ACYP2: variants seen among roughly 807,000 people sequenced by gnomAD.
ACYP2 encodes acylphosphatase 2, also known as acylphosphatase-2.
Under a neutral mutation model 11.2 loss-of-function variants are expected in ACYP2, and 12 were observed. The observed-to-expected ratio is 1.08, with a 90% CI of 0.69 to 1.74. The LOEUF (loss-of-function observed/expected upper bound fraction) is 1.74. Among genes scored for constraint, ACYP2 ranks in the 40% most tolerant of loss-of-function variants. The pLI, the probability that ACYP2 is intolerant of heterozygous loss-of-function variation, is 0.00. For synonymous variants in ACYP2, 43 were observed against 32.2 expected (o/e 1.33, Z -1.13); for missense variants, 134 against 101.9 (o/e 1.31, Z -1.35).
chr2:54,205,016 G>GT (rs1685013400), intron 6 of ACYP2, among the ~76,000 whole-genome samples: 1 of 152,034 alleles, frequency 6.6e-6, no homozygotes, highest in South Asian at 2.1e-4. Context: ...TATTCTCCTT[G>GT]TGTATCCCCT....
intron 2 of ACYP2, among the ~76,000 whole-genome samples, chr2:54,038,852 A>G (rs1425500402): frequency 6.6e-6 from 1 of 151,662 alleles, no homozygotes; most frequent in Non-Finnish European, 1.5e-5. Flanking sequence ...CATAGGTGGC[A>G]ATAAATTCTG....
At chr2:54,048,584 T>G (rs1675652948) in intron 2 of ACYP2, among the ~76,000 whole-genome samples, 1 of 152,182 alleles carries the variant, frequency 6.6e-6, no homozygotes, top group African/African-American at 2.4e-5. Context: ...CACTCTAGTG[T>G]TGAACTACTG....
chr2:54,000,595 T>C (rs1225067521), intron 2 of ACYP2, among the ~76,000 whole-genome samples: 1 of 152,236 alleles, frequency 6.6e-6, no homozygotes, highest in Non-Finnish European at 1.5e-5. Context: ...TTTTCACTCA[T>C]ACTGCACATT....
intron 6 of ACYP2, among the ~76,000 whole-genome samples, chr2:54,198,308 C>T (rs183344249): frequency 4.6e-5 from 7 of 152,212 alleles, no homozygotes; most frequent in African/African-American, 7.2e-5. Flanking sequence ...TGTGCCACTG[C>T]GCCTGGGCAA....
At chr2:54,241,121 T>C (rs914429645) in intron 6 of ACYP2, among the ~76,000 whole-genome samples, 4 of 152,032 alleles carry the variant, frequency 2.6e-5, no homozygotes, top group African/African-American at 4.8e-5. Flanking sequence ...AGTCTCAGAG[T>C]AGAGCACCCC....
intron 6 of ACYP2, among the ~76,000 whole-genome samples, chr2:54,198,448 G>A (rs1301233746): frequency 6.6e-6 from 1 of 152,058 alleles, no homozygotes. Flanking sequence ...CATAGTTTGT[G>A]GGGCCTCCAG....
At chr2:54,049,111 A>G (rs1261699502) in intron 2 of ACYP2, among the ~76,000 whole-genome samples, 2 of 152,152 alleles carry the variant, frequency 1.3e-5, no homozygotes, top group Non-Finnish European at 2.9e-5. Flanking sequence ...AAATACAAAA[A>G]TTAACCAGGC....
At position 54,217,068 on chromosome 2, in the gene ACYP2, G is replaced by C. The variant is rs114947847; in HGVS notation, c.404+78320G>C. Among the ~76,000 whole-genome samples, 380 of 152,212 alleles carry C rather than the reference G, an allele frequency of 2.5e-3. 3 individuals are homozygous for C. Among genetic ancestry groups the C allele is most frequent in the Non-Finnish European group, 4.2e-3 (288 of 68,022 alleles). On this transcript the variant is annotated intron_variant, in intron 6 of 6. Coordinates refer to ENST00000607452, the MANE Select transcript of ACYP2 (RefSeq NM_001320586.2). Reference sequence around the variant, plus strand: ...TTTCCTTAGGTTTCCCGTAGAAACAGTAATTCCATTCTTTAGATCTCATTT... The same window carrying C: ...TTTCCTTAGGTTTCCCGTAGAAACACTAATTCCATTCTTTAGATCTCATTT...
chr2:53,979,059 T>C (rs1671627056), intron 2 of ACYP2, among the ~76,000 whole-genome samples: 2 of 151,458 alleles, frequency 1.3e-5, no homozygotes, highest in African/African-American at 4.8e-5. Flanking sequence ...CTTCTACTTA[T>C]TAAAAAAAAA....
chr2:54,175,284 T>C (rs1012104710), intron 6 of ACYP2, among the ~76,000 whole-genome samples: 1 of 152,208 alleles, frequency 6.6e-6, no homozygotes, highest in Non-Finnish European at 1.5e-5. Flanking sequence ...GAGGAATTTA[T>C]CCATTTCTTC....
intron 4 of ACYP2, among the ~76,000 whole-genome samples, chr2:54,100,423 C>T (rs1415104631): frequency 6.6e-6 from 1 of 151,632 alleles, no homozygotes; most frequent in African/African-American, 2.4e-5. Context: ...TAATCTCAGC[C>T]TTGCAAGTAG....
chr2:54,288,456 T>A (rs1689171517), intron 6 of ACYP2, among the ~76,000 whole-genome samples: 2 of 152,030 alleles, frequency 1.3e-5, no homozygotes, highest in African/African-American at 4.8e-5. Context: ...TTATGTATAT[T>A]CTCTAGGCCA....
At chr2:54,017,560 A>T (rs1673769369) in intron 2 of ACYP2, among the ~76,000 whole-genome samples, 1 of 151,998 alleles carries the variant, frequency 6.6e-6, no homozygotes. Flanking sequence ...TGGCCAGGCC[A>T]TTAAGTTTCA....
intron 6 of ACYP2, among the ~76,000 whole-genome samples, chr2:54,210,140 TCAAAAAAAA>T (rs1685270278): frequency 1.9e-5 from 1 of 51,326 alleles, no homozygotes; most frequent in Non-Finnish European, 3.2e-5. Context: ...AGACTGTGTC[TCAAAAAAAA>T]AAAAAAAAAA....
At chr2:54,258,342 G>A (rs1226269304) in intron 6 of ACYP2, among the ~76,000 whole-genome samples, 2 of 152,176 alleles carry the variant, frequency 1.3e-5, no homozygotes, top group African/African-American at 2.4e-5. Flanking sequence ...AGAAATCCTG[G>A]AGGAGAGCAT....
chr2:54,094,439 G>C (rs950851554), intron 4 of ACYP2, among the ~76,000 whole-genome samples: 7 of 151,988 alleles, frequency 4.6e-5, no homozygotes, highest in African/African-American at 1.7e-4. Flanking sequence ...ATGTTTGCCA[G>C]GCTGGTCTCG....
At chr2:54,268,953 T>A (rs140692784) in intron 6 of ACYP2, among the ~76,000 whole-genome samples, 2 of 152,322 alleles carry the variant, frequency 1.3e-5, no homozygotes, top group Non-Finnish European at 2.9e-5. Flanking sequence ...ATATGAATTA[T>A]CTCTTAATTT....
chr2:54,115,814 C>A, intron 4 of ACYP2, 58 bp downstream of exon 1: 1 of 1,491,878 alleles, frequency 6.7e-7, no homozygotes, highest in South Asian at 1.3e-5. Context: ...GGGGAGAAAG[C>A]TGTGAGAAGC....
intron 6 of ACYP2, among the ~76,000 whole-genome samples, chr2:54,185,535 A>AT (rs111454328): frequency 0.037 from 5,695 of 152,190 alleles, 335 homozygotes; most frequent in African/African-American, 0.12. Flanking sequence ...AAGCATAGGG[A>AT]TTTTTTTAAA....
Sources: allele counts gnomAD v4.1 joint callset (sites outside exome capture counted in the v4.1 genomes callset), GRCh38; gene constraint gnomAD v4.1.1; transcripts MANE v1.5; gene names NCBI Gene and HGNC (gene_info 2026-07-23, HGNC 2026-07-21).